TBC1D15: variants seen among roughly 807,000 people sequenced by gnomAD.
TBC1D15 encodes TBC1 domain family member 15, also known as GAP for RAB7.
In TBC1D15, 39 loss-of-function variants were observed where a neutral mutation model predicts 95.4. The ratio of observed to expected loss-of-function variants is 0.41; its 90% CI spans 0.32 to 0.53. The LOEUF is 0.53. TBC1D15 is among the 20% of genes least tolerant of loss of function. The probability of loss-of-function intolerance (pLI) is 0.29; values close to 1 mark genes in which losing one functional copy is unlikely to be tolerated. For missense variants in TBC1D15, 733 were observed against 794.3 expected (o/e 0.92, Z 0.93); for synonymous variants, 258 against 261.3 (o/e 0.99, Z 0.12).
chr12:71,850,367 G>T, intron 1 of TBC1D15: 1 of 332,010 alleles, frequency 3.0e-6, no homozygotes, highest in Admixed American at 4.3e-5. Context: ...TGTGGAGCCG[G>T]CGGGGTTCGC....
At chr12:71,896,398 G>GT (rs371349004) in intron 8 of TBC1D15, 12 of 442,026 alleles carry the variant, frequency 2.7e-5, no homozygotes, top group African/African-American at 2.2e-4. Flanking sequence ...GCCTTATTCT[G>GT]TAAGATTGGG....
intron 9 of TBC1D15, 78 bp from the exon 10 acceptor site, chr12:71,897,769 T>G (rs928317249): frequency 3.7e-5 from 39 of 1,061,724 alleles, no homozygotes; most frequent in Non-Finnish European, 5.0e-5. Flanking sequence ...ATATACTGTT[T>G]ATAGAAAAAC....
At chr12:71,864,220 C>T (rs1890984395) in intron 1 of TBC1D15, among the ~76,000 whole-genome samples, 1 of 151,948 alleles carries the variant, frequency 6.6e-6, no homozygotes, top group South Asian at 2.1e-4. Flanking sequence ...CAGGCACGTG[C>T]CACCATGCCT....
intron 1 of TBC1D15, 145 bp downstream of exon 1, chr12:71,839,956 C>G (rs1884490733): frequency 4.8e-6 from 5 of 1,041,474 alleles, no homozygotes; most frequent in Admixed American, 2.2e-5. Context: ...TGGGTGGTAC[C>G]AGCTGGTTTC....
At chr12:71,913,710 T>C (rs781587705) in intron 11 of TBC1D15, 116 bp from the exon 12 acceptor site, 37 of 665,370 alleles carry the variant, frequency 5.6e-5, no homozygotes, top group Non-Finnish European at 8.6e-5. Context: ...GTCTACCAAT[T>C]TCTAAATGCA....
At chr12:71,872,831 T>C (rs578002625) in intron 2 of TBC1D15, 98 bp from the exon 3 acceptor site, 1 of 780,846 alleles carries the variant, frequency 1.3e-6, no homozygotes, top group Non-Finnish European at 2.0e-6. Flanking sequence ...AATGTAGATA[T>C]TTAAGAGGCT....
intron 7 of TBC1D15, among the ~76,000 whole-genome samples, chr12:71,895,100 T>C (rs904621521): frequency 5.3e-5 from 8 of 152,076 alleles, no homozygotes; most frequent in African/African-American, 1.7e-4. Context: ...GGATCTCTCT[T>C]CTTTGATTAC....
intron 1 of TBC1D15, among the ~76,000 whole-genome samples, chr12:71,853,215 GA>G (rs1888259747): frequency 6.6e-6 from 1 of 152,198 alleles, no homozygotes; most frequent in South Asian, 2.1e-4. Flanking sequence ...GGAATAGAGA[GA>G]GGGGAGGTGC....
In TBC1D15 at chr12:71,900,047, G is replaced by T. The variant is rs1313080071; in HGVS notation, c.1183+2106G>T. Among the ~76,000 whole-genome samples, 4 of 152,046 alleles carry T rather than the reference G, an allele frequency of 2.6e-5. No individual in the cohort carries two copies. In the South Asian group the frequency reaches 6.2e-4, roughly 24 times the overall value. The stretch of plus-strand genomic sequence containing the variant: ...AGACTTTCTGATATATGAAATATGG[G>T]GTGTGAAGGGGAAAGAGAAATAAAA... On this transcript the variant is annotated intron_variant, in intron 10 of 16. Coordinates refer to ENST00000485960, the MANE Select transcript of TBC1D15 (RefSeq NM_001146213.3).
chr12:71,900,735 T>C (rs1899193883), intron 10 of TBC1D15, among the ~76,000 whole-genome samples: 1 of 152,130 alleles, frequency 6.6e-6, no homozygotes, highest in South Asian at 2.1e-4. Flanking sequence ...ACATATGTGG[T>C]ATGTTAGTGA....
chr12:71,893,180 C>T (rs772250908), intron 5 of TBC1D15, 42 bp from the exon 6 acceptor site: 10 of 1,005,512 alleles, frequency 9.9e-6, no homozygotes, highest in Non-Finnish European at 1.4e-5. Flanking sequence ...GTAATTGATA[C>T]AGTGTGTTAG....
intron 5 of TBC1D15, among the ~76,000 whole-genome samples, chr12:71,891,861 A>G (rs1388721810): frequency 5.3e-5 from 8 of 152,206 alleles, no homozygotes; most frequent in South Asian, 2.1e-4. Context: ...AAAGTTGCCT[A>G]TTTGTTCCTC....
rs190495607 is a variant in TBC1D15 at position 71,883,494 on chromosome 12, G to A, written c.344-1317G>A. Among the ~76,000 whole-genome samples, 3 of 152,206 alleles carry A rather than the reference G, an allele frequency of 2.0e-5. No homozygotes were observed. The East Asian group carries it at 5.8e-4, about 29-fold the overall frequency. On this transcript the variant is annotated intron_variant, in intron 4 of 16. Coordinates refer to ENST00000485960, the MANE Select transcript of TBC1D15 (RefSeq NM_001146213.3). ...TTTAAGTGTCCATGAAATAATGATGGCGCATGGTTTCCTTGCAGATAGAGG... is the reference window on the plus strand; with the variant it reads ...TTTAAGTGTCCATGAAATAATGATGACGCATGGTTTCCTTGCAGATAGAGG...
chr12:71,887,591 C>A (rs900393392), intron 5 of TBC1D15, among the ~76,000 whole-genome samples: 2 of 152,084 alleles, frequency 1.3e-5, no homozygotes, highest in Non-Finnish European at 2.9e-5. Flanking sequence ...ACTGTTTTTT[C>A]TACTTGGAAT....
chr12:71,918,491 G>A lies in TBC1D15; in HGVS notation c.1542G>A (p.Trp514Ter). The A allele has an allele frequency of 3.7e-6, 6 of 1,609,188 alleles. No individual in the cohort carries two copies. Among genetic ancestry groups the A allele is most frequent in the Non-Finnish European group, 5.1e-6 (6 of 1,178,380 alleles). ...DSGYLYFCFR[W>*]LLIRFKREFS... ...GATACCTTTATTTTTGCTTCAGGTG[G>A]CTTTTAATCAGATTCAAAAGGGAAT... Residue 514 changes from tryptophan to a stop codon, truncating the protein, a stop_gained, in exon 14 of 17, where the codon TGG becomes TGA. Coordinates refer to ENST00000485960, the MANE Select transcript of TBC1D15 (RefSeq NM_001146213.3). LOFTEE classifies it high-confidence loss of function.
rs201319080 is a variant in TBC1D15 at position 71,839,789 on chromosome 12, C to T, written c.8C>T (p.Ala3Val). The change falls in exon 1 of 17, where the codon GCG becomes GTG. Residue 3 changes from alanine (A) to valine (V), a missense_variant. Ala to Val is a moderately conservative substitution (Grantham distance 64). Coordinates refer to ENST00000485960, the MANE Select transcript of TBC1D15 (RefSeq NM_001146213.3). ...CAGGCACGCGCAGGAAACATGGCGG[C>T]GGCGGGTGTTGTGAGCGGGAAGGTA... Reference protein sequence around the residue: MAAAGVVSGKIIY... With the variant: MAVAGVVSGKIIY... The T allele has an allele frequency of 3.7e-6, 6 of 1,614,152 alleles. No individual in the cohort carries two copies. Among genetic ancestry groups the T allele is most frequent in the East Asian group, 4.5e-5 (2 of 44,872 alleles).
intron 1 of TBC1D15, among the ~76,000 whole-genome samples, chr12:71,867,179 T>C (rs1891674778): frequency 6.6e-6 from 1 of 152,242 alleles, no homozygotes; most frequent in African/African-American, 2.4e-5. Flanking sequence ...TGTAGACATT[T>C]AAAAATTGGT....
chr12:71,883,427 G>A (rs1006889966), intron 4 of TBC1D15, among the ~76,000 whole-genome samples: 1 of 152,122 alleles, frequency 6.6e-6, no homozygotes, highest in African/African-American at 2.4e-5. Flanking sequence ...GCTGGTCATT[G>A]TATATAGATA....
chr12:71,911,638 G>C (rs1366134182), intron 11 of TBC1D15, among the ~76,000 whole-genome samples: 1 of 110,588 alleles, frequency 9.0e-6, no homozygotes, highest in Non-Finnish European at 1.8e-5. Flanking sequence ...TGGGGGGAGG[G>C]GGGAGGGATA....
Sources: allele counts gnomAD v4.1 joint callset (sites outside exome capture counted in the v4.1 genomes callset), GRCh38; gene constraint gnomAD v4.1.1; transcripts MANE v1.5; gene names NCBI Gene and HGNC (gene_info 2026-07-23, HGNC 2026-07-21).